Variants in HEATR5B observed in about 807,000 individuals in gnomAD.
HEATR5B encodes HEAT repeat-containing protein 5B.
HEATR5B carries 156 observed loss-of-function variants against 224.1 expected under a neutral mutation model. The ratio of observed to expected loss-of-function variants is 0.70; its 90% CI spans 0.61 to 0.80. The LOEUF is 0.80. Among genes scored for constraint, HEATR5B ranks in the 30% least tolerant of loss-of-function variants. The probability of loss-of-function intolerance (pLI) is 0.00; values close to 1 mark genes in which losing one functional copy is unlikely to be tolerated. For synonymous variants in HEATR5B, 1,027 were observed against 893.0 expected, an observed-to-expected ratio of 1.15 and a Z score of -2.68; for missense variants, 2,323 against 2,535.5, an observed-to-expected ratio of 0.92 and a Z score of 1.80.
intron 21 of HEATR5B, 103 bp downstream of exon 21, chr2:37,037,752 T>A (rs1441401818): frequency 1.4e-6 from 1 of 723,248 alleles, no homozygotes; most frequent in Non-Finnish European, 2.0e-6. Flanking sequence ...ATACCCCAAG[T>A]ACCCCAAAAA....
intron 19 of HEATR5B, 129 bp from the exon 20 acceptor site, chr2:37,040,647 G>T (rs1453378866): frequency 9.8e-6 from 6 of 612,514 alleles, no homozygotes; most frequent in African/African-American, 3.8e-5. Flanking sequence ...AGCAAATCCA[G>T]ATTGTAGGAT....
chr2:37,078,136 G>C (rs1672346977), intron 3 of HEATR5B, among the ~76,000 whole-genome samples: 1 of 152,162 alleles, frequency 6.6e-6, no homozygotes, highest in Non-Finnish European at 1.5e-5. Context: ...TGGGCAGGTG[G>C]TCTACCATGA....
intron 3 of HEATR5B, among the ~76,000 whole-genome samples, chr2:37,077,751 AT>A (rs1424047994): frequency 6.6e-6 from 1 of 152,230 alleles, no homozygotes; most frequent in Non-Finnish European, 1.5e-5. Flanking sequence ...TGACCATTTT[AT>A]ATGTCTCTAT....
chr2:36,996,479 C>A (rs1197987487), intron 33 of HEATR5B, among the ~76,000 whole-genome samples: 1 of 149,568 alleles, frequency 6.7e-6, no homozygotes, highest in Non-Finnish European at 1.5e-5. Context: ...GGCAATGGTG[C>A]GATCTCAGCT....
intron 15 of HEATR5B, 44 bp downstream of exon 15, chr2:37,057,273 G>A (rs112798350): frequency 1.4e-6 from 2 of 1,444,208 alleles, no homozygotes; most frequent in African/African-American, 1.4e-5. Flanking sequence ...TAGGACCATT[G>A]TTTCAGATTA....
chr2:36,991,123 T>C (rs1486048133), intron 33 of HEATR5B, among the ~76,000 whole-genome samples: 1 of 152,232 alleles, frequency 6.6e-6, no homozygotes, highest in Non-Finnish European at 1.5e-5. Flanking sequence ...TTATATTTAA[T>C]GCTAAATTAT....
chr2:37,007,183 C>T lies in HEATR5B; in HGVS notation c.4644G>A (p.Glu1548=). The change falls in exon 29 of 36, where the codon GAG becomes GAA. Residue 1548 remains glutamate (E), a synonymous_variant. Coordinates refer to ENST00000233099, the MANE Select transcript of HEATR5B (RefSeq NM_019024.3). The part of the protein sequence containing the change: ...WLNSTGFTCS[E]STEAAAISGL... ...CAGATATTGCTGCTGCTTCTGTAGA[C>T]TCTGAGCACGTAAATCCTGTGCTAT... 2 of 1,614,086 alleles carry T rather than the reference C, an allele frequency of 1.2e-6. No homozygotes were observed. The highest frequency in any genetic ancestry group is 1.3e-5 in the African/African-American group (1 of 75,008).
chr2:37,052,287 A>AG (rs1166500213), intron 17 of HEATR5B, among the ~76,000 whole-genome samples: 1 of 152,182 alleles, frequency 6.6e-6, no homozygotes, highest in African/African-American at 2.4e-5. Context: ...TCTTTTCCAC[A>AG]GGGGACACAT....
At chr2:37,082,052 CTTTTTTTTTTTTTT>C (rs61036576) in intron 2 of HEATR5B, among the ~76,000 whole-genome samples, 879 of 23,966 alleles carry the variant, frequency 0.037, 47 homozygotes, top group Non-Finnish European at 0.041. Flanking sequence ...GAAGTATCTA[CTTTTTTTTTTTTTT>C]TTTTTTTTTT....
intron 33 of HEATR5B, among the ~76,000 whole-genome samples, chr2:37,000,119 C>G (rs1428487038): frequency 6.6e-6 from 1 of 151,622 alleles, no homozygotes; most frequent in Non-Finnish European, 1.5e-5. Flanking sequence ...TGTTTTTTGC[C>G]GAGCCTGGAG....
At chr2:37,045,960 C>T (rs1670164425) in intron 18 of HEATR5B, among the ~76,000 whole-genome samples, 2 of 152,298 alleles carry the variant, frequency 1.3e-5, no homozygotes, top group South Asian at 4.1e-4. Flanking sequence ...AATACAGTCC[C>T]TGTTATTCCA....
chr2:37,081,442 A>G (rs911751257), intron 2 of HEATR5B, among the ~76,000 whole-genome samples: 1 of 152,208 alleles, frequency 6.6e-6, no homozygotes, highest in Non-Finnish European at 1.5e-5. Flanking sequence ...CCAAAGGGTA[A>G]AGAAAACAGG....
chr2:36,981,518 G>T lies in HEATR5B; in HGVS notation c.6188C>A (p.Thr2063Lys). ...QPAPAIHSAPTIKLKTSFF is the reference protein window; with the variant it reads ...QPAPAIHSAPKIKLKTSFF ...AAAAAAACTTGTTTTTAGCTTAATT[G>T]TTGGTGCAGAATGTATGGCGGGGGC... is the stretch of plus-strand genomic sequence containing the variant. The change falls in exon 36 of 36, where the codon ACA becomes AAA. Residue 2063 changes from threonine (T) to lysine (K), a missense_variant. This residue lies in a region of HEATR5B where 844 missense variants were observed against 812.9 expected (regional missense o/e 1.04). Coordinates refer to ENST00000233099, the MANE Select transcript of HEATR5B (RefSeq NM_019024.3). The T allele has an allele frequency of 6.3e-7, 1 of 1,599,180 alleles. No individual in the cohort carries two copies. The highest frequency in any genetic ancestry group is 8.5e-7 in the Non-Finnish European group (1 of 1,174,548).
chr2:36,988,591 T>C lies in HEATR5B; in HGVS notation c.5911+55A>G, dbSNP rs544630813. 4.7e-4 allele frequency: 676 copies of C among 1,429,778 alleles called. 1 individual carries two copies. The highest frequency in any genetic ancestry group is 5.9e-4 in the Non-Finnish European group (607 of 1,028,978). 88.6% of individuals were successfully genotyped at this position (1,429,778 alleles called of 1,614,324 possible). On this transcript the variant is annotated intron_variant, in intron 35 of 35. Coordinates refer to ENST00000233099, the MANE Select transcript of HEATR5B (RefSeq NM_019024.3). ...TGTTTCTAATATCAAATAAGATTTATATACAATACAGATCTTCATTCTGAA... is the reference window on the plus strand; with the variant it reads ...TGTTTCTAATATCAAATAAGATTTACATACAATACAGATCTTCATTCTGAA...
At chr2:37,010,638 A>G (rs1667728615) in intron 27 of HEATR5B, among the ~76,000 whole-genome samples, 1 of 151,710 alleles carries the variant, frequency 6.6e-6, no homozygotes, top group Admixed American at 6.6e-5. Flanking sequence ...CTCAGGGTCC[A>G]GGGTAGCTGG....
At chr2:36,995,523 A>G (rs1245058420) in intron 33 of HEATR5B, among the ~76,000 whole-genome samples, 4 of 152,234 alleles carry the variant, frequency 2.6e-5, no homozygotes, top group Admixed American at 2.0e-4. Flanking sequence ...TAATAAAACT[A>G]AAGTTATCCC....
At chr2:37,075,104 A>G (rs867773254) in intron 5 of HEATR5B, among the ~76,000 whole-genome samples, 3 of 152,226 alleles carry the variant, frequency 2.0e-5, no homozygotes, top group Non-Finnish European at 4.4e-5. Context: ...TTGTGCAAAA[A>G]CTTATATACA....
At position 37,059,078 on chromosome 2, in the gene HEATR5B, ATACT is replaced by A. The variant is rs1312342555; in HGVS notation, c.1850-95_1850-92del. 4 of 715,602 alleles carry A rather than the reference ATACT, an allele frequency of 5.6e-6. No homozygotes were observed. The South Asian group carries it at 7.3e-5, about 13-fold the overall frequency. 44.3% of individuals were successfully genotyped at this position (715,602 alleles called of 1,614,324 possible). A position where few individuals can be genotyped will look rare whatever the true frequency, so the allele number is the denominator to read the frequency against. ...TTGTATAAATATAAAGGCAGTTGTA[ATACT>A]TAATTATTATAACGTATAAGGTTCT... On this transcript the variant is annotated intron_variant, in intron 12 of 35. Transcript: ENST00000233099.
At chr2:37,060,467 G>A in intron 12 of HEATR5B, 114 bp downstream of exon 12, 1 of 834,800 alleles carries the variant, frequency 1.2e-6, no homozygotes, top group South Asian at 2.6e-5. Context: ...AAAAGCCTAT[G>A]AATTTATCAT....
Sources: allele counts gnomAD v4.1 joint callset (sites outside exome capture counted in the v4.1 genomes callset), GRCh38; gene constraint gnomAD v4.1.1; regional missense constraint gnomAD v4.1.1; transcripts MANE v1.5; gene names NCBI Gene and HGNC (gene_info 2026-07-23, HGNC 2026-07-21).